Variants in USP7 observed in about 807,000 individuals in gnomAD.
USP7 encodes the protein ubiquitin specific peptidase 7.
USP7 carries 9 observed loss-of-function variants against 162.9 expected under a neutral mutation model. The ratio of observed to expected loss-of-function variants is 0.06; its 90% CI spans 0.03 to 0.10. The LOEUF (loss-of-function observed/expected upper bound fraction) is 0.10, where lower values mean the gene tolerates loss of function less well. Ranked by LOEUF, USP7 falls within the 10% of genes least tolerant of loss-of-function variation. The probability of loss-of-function intolerance (pLI) is 1.00; values close to 1 mark genes in which losing one functional copy is unlikely to be tolerated. For synonymous variants in USP7, 562 were observed against 475.9 expected, an observed-to-expected ratio of 1.18 and a Z score of -2.35; for missense variants, 715 against 1,373.7, an observed-to-expected ratio of 0.52 and a Z score of 7.58.
intron 27 of USP7, 108 bp downstream of exon 27, chr16:8,895,534 T>C (rs2061667959): frequency 3.1e-6 from 3 of 962,574 alleles, no homozygotes; most frequent in South Asian, 2.8e-5. Flanking sequence ...CGATTACTGG[T>C]ATAAAAACAC....
intron 3 of USP7, among the ~76,000 whole-genome samples, chr16:8,921,938 C>A (rs1458420210): frequency 6.6e-6 from 1 of 152,164 alleles, no homozygotes; most frequent in Non-Finnish European, 1.5e-5. Context: ...GCAACTGAGC[C>A]CTGAAATGGT....
intron 12 of USP7, 28 bp from the exon 13 acceptor site, chr16:8,906,610 C>T (rs753793575): frequency 1.9e-6 from 3 of 1,600,602 alleles, no homozygotes; most frequent in Non-Finnish European, 1.7e-6. Flanking sequence ...AAAAGAAATT[C>T]AGTATTAATT....
intron 28 of USP7, 61 bp from the exon 29 acceptor site, chr16:8,894,916 G>A (rs780499226): frequency 1.4e-5 from 23 of 1,613,684 alleles, no homozygotes; most frequent in African/African-American, 1.1e-4. Context: ...GCCACGTCAC[G>A]TGGCAGCCGC....
At chr16:8,938,705 C>T (rs1349953977) in intron 1 of USP7, among the ~76,000 whole-genome samples, 4 of 101,818 alleles carry the variant, frequency 3.9e-5, no homozygotes, top group Non-Finnish European at 7.5e-5. Flanking sequence ...AGCAAGACTC[C>T]GTCTCAAAAA....
At chr16:8,934,245 G>C (rs1039515031) in intron 1 of USP7, among the ~76,000 whole-genome samples, 4 of 152,174 alleles carry the variant, frequency 2.6e-5, no homozygotes, top group Non-Finnish European at 4.4e-5. Context: ...GCAGTCTAAA[G>C]TGTGGAAAAT....
At chr16:8,894,250 G>T in intron 30 of USP7, 146 bp from the exon 31 acceptor site, 1 of 751,750 alleles carries the variant, frequency 1.3e-6, no homozygotes, top group Non-Finnish European at 2.2e-6. Context: ...ACGCCCACCT[G>T]GAGCTAAGGA....
chr16:8,936,228 T>A (rs549310597), intron 1 of USP7, among the ~76,000 whole-genome samples: 9 of 152,026 alleles, frequency 5.9e-5, no homozygotes, highest in Non-Finnish European at 1.2e-4. Flanking sequence ...AAACTACAGC[T>A]GTTATTACGG....
chr16:8,961,883 A>G (rs1252519021), intron 1 of USP7, among the ~76,000 whole-genome samples: 1 of 152,224 alleles, frequency 6.6e-6, no homozygotes, highest in Non-Finnish European at 1.5e-5. Context: ...CAGATAACCC[A>G]GTCCTTGGCG....
intron 10 of USP7, among the ~76,000 whole-genome samples, chr16:8,911,044 A>G (rs2061938786): frequency 6.6e-6 from 1 of 152,246 alleles, no homozygotes. Context: ...TAAGGACATT[A>G]AAATGACAAT....
chr16:8,914,543 A>G (rs1481202672), intron 10 of USP7, among the ~76,000 whole-genome samples: 1 of 152,228 alleles, frequency 6.6e-6, no homozygotes, highest in Non-Finnish European at 1.5e-5. Flanking sequence ...TATTCTCAAA[A>G]TGGAATACTA....
chr16:8,935,251 A>G (rs1285243879), intron 1 of USP7, among the ~76,000 whole-genome samples: 1 of 138,844 alleles, frequency 7.2e-6, no homozygotes. Context: ...CCCAGGCTGG[A>G]GTGCAATAGT....
Position 8,897,013 on chromosome 16 carries a change from T to C in USP7, c.2805A>G (p.Ala935=), listed in dbSNP as rs539193242. 98 of 1,614,072 alleles carry C rather than the reference T, an allele frequency of 6.1e-5. No individual in the cohort carries two copies. The highest frequency in any genetic ancestry group is 2.7e-5 in the African/African-American group (2 of 75,078). The change falls in exon 26 of 31, where the codon GCA becomes GCG. Residue 935 remains alanine (A), a synonymous_variant. Transcript: ENST00000344836. ...CKKAVELGEK[A]SGKLRLLEIV... is the part of the protein sequence containing the mutation. ...GAAATACTTGCCTAAGTTTCCCTGA[T>C]GCTTTCTCCCCAAGCTCCACGGCCT...
intron 5 of USP7, 74 bp from the exon 6 acceptor site, chr16:8,919,213 G>C: frequency 6.7e-7 from 1 of 1,487,330 alleles, no homozygotes; most frequent in Non-Finnish European, 9.4e-7. Flanking sequence ...GAAGCAATCT[G>C]ACTCAAGGTC....
At position 8,919,079 on chromosome 16, in the gene USP7, G is replaced by A. The variant is rs748897154; in HGVS notation, c.672C>T (p.Tyr224=). The A allele has an allele frequency of 5.6e-6, 9 of 1,614,090 alleles. No individual in the cohort carries two copies. In the South Asian group the frequency reaches 9.9e-5, roughly 18 times the overall value. The stretch of plus-strand genomic sequence containing the variant: ...ATAACGTCTGTAGCAGGCTGTTCAT[G>A]TAACAAGTCGCTCCCTGATTCTTTA... ...VGLKNQGATC[Y]MNSLLQTLFF... The change falls in exon 6 of 31, where the codon TAC becomes TAT. Residue 224 remains tyrosine (Y), a synonymous_variant. Transcript: ENST00000344836.
intron 1 of USP7, among the ~76,000 whole-genome samples, chr16:8,942,170 G>A (rs1314498292): frequency 6.6e-6 from 1 of 152,232 alleles, no homozygotes; most frequent in Non-Finnish European, 1.5e-5. Flanking sequence ...GCCACGATAA[G>A]CATTCTTAAC....
chr16:8,922,878 T>G (rs1451790828), intron 3 of USP7, among the ~76,000 whole-genome samples: 1 of 152,190 alleles, frequency 6.6e-6, no homozygotes, highest in African/African-American at 2.4e-5. Context: ...TATCACACAA[T>G]GGAAAGGATG....
chr16:8,949,952 A>G (rs1002074762), intron 1 of USP7, among the ~76,000 whole-genome samples: 9 of 152,350 alleles, frequency 5.9e-5, no homozygotes, highest in African/African-American at 1.9e-4. Context: ...CTAGAATAGC[A>G]AAGGAAAACC....
intron 16 of USP7, 115 bp from the exon 17 acceptor site, chr16:8,902,597 C>A: frequency 1.1e-6 from 1 of 908,192 alleles, no homozygotes; most frequent in Non-Finnish European, 1.6e-6. Flanking sequence ...AATGTTAAGA[C>A]TGTGATCGTA....
chr16:8,922,574 G>A (rs1897756062), intron 3 of USP7, among the ~76,000 whole-genome samples: 2 of 152,212 alleles, frequency 1.3e-5, no homozygotes, highest in Admixed American at 1.3e-4. Context: ...GCCACTCTGT[G>A]GCGTGGCAGG....
Sources: allele counts gnomAD v4.1 joint callset (sites outside exome capture counted in the v4.1 genomes callset), GRCh38; gene constraint gnomAD v4.1.1; transcripts MANE v1.5; gene names NCBI Gene and HGNC (gene_info 2026-07-23, HGNC 2026-07-21).